The following DYNC1I1 variants were observed in gnomAD, a reference collection of about 807,000 sequenced individuals.
DYNC1I1 encodes dynein cytoplasmic 1 intermediate chain 1, also known as cytoplasmic dynein 1 intermediate chain 1.
A neutral mutation model predicts 86.6 loss-of-function variants in DYNC1I1; 43 were observed. That is an observed-to-expected ratio of 0.50 (90% CI 0.39 to 0.64). The LOEUF is 0.64. DYNC1I1 is among the 30% of genes least tolerant of loss of function. The probability of loss-of-function intolerance (pLI) is 0.00; values close to 1 mark genes in which losing one functional copy is unlikely to be tolerated. For synonymous variants in DYNC1I1, 262 were observed against 283.7 expected, an observed-to-expected ratio of 0.92 and a Z score of 0.77; for missense variants, 604 against 788.8, an observed-to-expected ratio of 0.77 and a Z score of 2.81.
At chr7:96,042,568 A>G (rs1026710792) in intron 14 of DYNC1I1, among the ~76,000 whole-genome samples, 3 of 152,168 alleles carry the variant, frequency 2.0e-5, no homozygotes, top group African/African-American at 7.2e-5. Flanking sequence ...GCTACCAAAC[A>G]CTACAAAGTT....
At chr7:95,972,889 A>G (rs1793211842) in intron 6 of DYNC1I1, among the ~76,000 whole-genome samples, 1 of 152,198 alleles carries the variant, frequency 6.6e-6, no homozygotes, top group African/African-American at 2.4e-5. Context: ...GATTTTTCCA[A>G]CCAGGAGGAA....
chr7:96,014,826 CACAACTGAGTTAGATGCATATT>C (rs1794364483), intron 10 of DYNC1I1, among the ~76,000 whole-genome samples: 1 of 152,134 alleles, frequency 6.6e-6, no homozygotes, highest in Non-Finnish European at 1.5e-5. Flanking sequence ...GAAGCCCAAA[CACAACTGAGTTAGATGCATATT>C]AAATTACCTC....
At position 95,984,851 on chromosome 7, in the gene DYNC1I1, A is replaced by G. The variant is rs1161721009; in HGVS notation, c.617A>G (p.Gln206Arg). Residue 206 changes from glutamine (Q) to arginine (R), a missense_variant, in exon 8 of 17, where the codon CAG becomes CGG. Coordinates refer to ENST00000447467, the MANE Select transcript of DYNC1I1 (RefSeq NM_001135556.2). ...GAGTTGACAGAGGAAGAAAAACAGC[A>G]GATCCTTCATTCAGAGGAATTTCTC... ...PRELTEEEKQ[Q>R]ILHSEEFLIF... The G allele has an allele frequency of 6.2e-7, 1 of 1,612,728 alleles. No individual in the cohort carries two copies. The highest frequency in any genetic ancestry group is 8.5e-7 in the Non-Finnish European group (1 of 1,179,484).
chr7:96,014,805 A>G (rs1794363950), intron 10 of DYNC1I1, among the ~76,000 whole-genome samples: 1 of 152,194 alleles, frequency 6.6e-6, no homozygotes, highest in Admixed American at 6.5e-5. Flanking sequence ...ACTGATATTC[A>G]TAGATTGGAT....
chr7:96,022,920 C>G (rs1269189104), intron 10 of DYNC1I1, among the ~76,000 whole-genome samples: 1 of 151,808 alleles, frequency 6.6e-6, no homozygotes, highest in Non-Finnish European at 1.5e-5. Context: ...TTCCCTTCAT[C>G]TCAATTAAAG....
chr7:96,054,094 G>A (rs949945535), intron 14 of DYNC1I1, among the ~76,000 whole-genome samples: 9 of 152,060 alleles, frequency 5.9e-5, no homozygotes, highest in African/African-American at 9.6e-5. Context: ...CCATCAACCC[G>A]TCATCTACAT....
chr7:95,951,388 G>A (rs148926214), intron 6 of DYNC1I1, among the ~76,000 whole-genome samples: 2 of 152,200 alleles, frequency 1.3e-5, no homozygotes, highest in Admixed American at 6.5e-5. Flanking sequence ...TCTCACAGTC[G>A]TGATAAAACA....
At chr7:95,792,485 G>T (rs1794329849) in intron 1 of DYNC1I1, among the ~76,000 whole-genome samples, 1 of 152,126 alleles carries the variant, frequency 6.6e-6, no homozygotes, top group African/African-American at 2.4e-5. Context: ...GAATGAAGAG[G>T]CCAGGCTATG....
At chr7:95,936,809 G>T (rs1216823329) in intron 6 of DYNC1I1, among the ~76,000 whole-genome samples, 1 of 151,940 alleles carries the variant, frequency 6.6e-6, no homozygotes, top group Non-Finnish European at 1.5e-5. Flanking sequence ...AGTGTGTATG[G>T]AATAGGTGGG....
intron 4 of DYNC1I1, among the ~76,000 whole-genome samples, chr7:95,820,785 C>G (rs1795056769): frequency 1.3e-5 from 2 of 152,242 alleles, no homozygotes; most frequent in African/African-American, 4.8e-5. Flanking sequence ...GCTATGTTAC[C>G]CAGGCTGGTC....
chr7:96,004,408 T>A (rs1262778841), intron 10 of DYNC1I1, among the ~76,000 whole-genome samples: 1 of 152,196 alleles, frequency 6.6e-6, no homozygotes, highest in South Asian at 2.1e-4. Context: ...AAAGCCATTA[T>A]GTTTTTTTCC....
Position 95,846,623 on chromosome 7 carries a change from CTCTCTG to C in DYNC1I1, c.374+18509_374+18514del, listed in dbSNP as rs1439640831. ...TTCTGAACATAAATGATAAATCTCT[CTCTCTG>C]TGTGTGTGTGTGTGTGTGTGTGTGT... On this transcript the variant is annotated intron_variant, in intron 5 of 16. Transcript: ENST00000447467. Among the ~76,000 whole-genome samples, 226 of 121,242 alleles carry C rather than the reference CTCTCTG, an allele frequency of 1.9e-3. 2 individuals are homozygous for C. Among genetic ancestry groups the C allele is most frequent in the East Asian group, 0.011 (49 of 4,444 alleles). 79.5% of individuals were successfully genotyped at this position (121,242 alleles called of 152,430 possible).
rs538667137 is a variant in DYNC1I1, at chr7:96,037,070, A to C, written c.1364+1318A>C. Among the ~76,000 whole-genome samples the C allele has an allele frequency of 8.5e-5, 13 of 152,272 alleles. 1 individual carries two copies. The East Asian group carries it at 1.7e-3, about 20-fold the overall frequency. On this transcript the variant is annotated intron_variant, in intron 13 of 16. Transcript: ENST00000447467. ...TCCCTGTGTTTTTGTGATTTGTAGA[A>C]ATGACAAGCATCCATGGCTCAGCTA...
chr7:96,091,900 G>T (rs1790859503), intron 16 of DYNC1I1, among the ~76,000 whole-genome samples: 1 of 152,102 alleles, frequency 6.6e-6, no homozygotes. Context: ...GAAAGAGCTG[G>T]ATTAGGATGT....
intron 4 of DYNC1I1, among the ~76,000 whole-genome samples, chr7:95,817,248 T>C (rs1172139581): frequency 1.3e-5 from 2 of 151,824 alleles, no homozygotes; most frequent in African/African-American, 4.8e-5. Context: ...GAATGAACTA[T>C]ATAATTCTGC....
chr7:96,109,466 G>T (rs892309753), intron 16 of DYNC1I1, among the ~76,000 whole-genome samples: 1 of 148,924 alleles, frequency 6.7e-6, no homozygotes, highest in Non-Finnish European at 1.5e-5. Flanking sequence ...GTTTGTTAAG[G>T]TGAAAAATTA....
intron 6 of DYNC1I1, among the ~76,000 whole-genome samples, chr7:95,892,501 T>C (rs1460065751): frequency 2.0e-5 from 3 of 152,106 alleles, no homozygotes; most frequent in Non-Finnish European, 4.4e-5. Context: ...TTAGTAGAGA[T>C]GGGGTTTCAC....
At chr7:95,955,340 A>G (rs1485392990) in intron 6 of DYNC1I1, among the ~76,000 whole-genome samples, 1 of 151,638 alleles carries the variant, frequency 6.6e-6, no homozygotes, top group Middle Eastern at 3.2e-3. Context: ...TTTTTTTTTT[A>G]AAGACAAGAT....
chr7:96,100,650 T>TTGTGTGTGTGTGTGTGTGTGTGTGTGTG (rs57129262), downstream of DYNC1I1, among the ~76,000 whole-genome samples: 17 of 142,848 alleles, frequency 1.2e-4, no homozygotes, highest in South Asian at 2.4e-4. Flanking sequence ...TTTGAGGGTT[T>TTGTGTGTGTGTGTGTGTGTGTGTGTGTG]TGTGTGTGTG....
Sources: gnomAD v4.1 joint callset for allele counts (sites outside exome capture counted in the v4.1 genomes callset) on GRCh38, gnomAD v4.1.1 for gene constraint, MANE v1.5 for transcripts, NCBI Gene and HGNC (gene_info 2026-07-23, HGNC 2026-07-21) for gene names.